The following ERBB4 variants were observed in gnomAD, a reference collection of about 807,000 sequenced individuals.
The protein encoded by ERBB4 is erb-b2 receptor tyrosine kinase 4.
ERBB4 carries 42 observed loss-of-function variants against 158.0 expected under a neutral mutation model. The ratio of observed to expected loss-of-function variants is 0.27; its 90% CI spans 0.21 to 0.34. The LOEUF (loss-of-function observed/expected upper bound fraction) is 0.34. ERBB4 is among the 10% of genes least tolerant of loss of function. The probability of loss-of-function intolerance (pLI) is 1.00; values close to 1 mark genes in which losing one functional copy is unlikely to be tolerated. For missense variants in ERBB4, 1,333 were observed against 1,624.1 expected (o/e 0.82, Z 3.08); for synonymous variants, 583 against 558.7 (o/e 1.04, Z -0.61).
chr2:211,665,104 T>C (rs1482695595), intron 15 of ERBB4, among the ~76,000 whole-genome samples: 2 of 152,216 alleles, frequency 1.3e-5, no homozygotes, highest in East Asian at 1.9e-4. Flanking sequence ...AAGGTGTTAA[T>C]AGAATGGTTA....
chr2:211,914,014 T>C (rs1255867568), intron 3 of ERBB4, among the ~76,000 whole-genome samples: 1 of 146,700 alleles, frequency 6.8e-6, no homozygotes, highest in Non-Finnish European at 1.5e-5. Context: ...GAAATAGAAT[T>C]TGAGAGCTGA....
Position 211,761,540 on chromosome 2 carries a change from G to A in ERBB4, c.557-10836C>T, listed in dbSNP as rs190305559. On this transcript the variant is annotated intron_variant, in intron 4 of 27. Transcript: ENST00000342788. ...TGTGGCACATCAGCCCTTTTTATAC[G>A]TAGCATGTTTCTAGTCAAACATTTT... Among the ~76,000 whole-genome samples the A allele has an allele frequency of 3.6e-4, 54 of 152,104 alleles. 1 individual carries two copies. In the East Asian group the frequency reaches 8.7e-3, roughly 24 times the overall value.
Position 212,167,286 on chromosome 2 carries a change from A to G in ERBB4, c.83-42383T>C, listed in dbSNP as rs372891156. On this transcript the variant is annotated intron_variant, in intron 1 of 27. Coordinates refer to ENST00000342788, the MANE Select transcript of ERBB4 (RefSeq NM_005235.3). ...ATCAAAAAGTGGGCAAAGGATATGAACAGACACTTCTCAAAAGAAGATATT... is the reference window on the plus strand; with the variant it reads ...ATCAAAAAGTGGGCAAAGGATATGAGCAGACACTTCTCAAAAGAAGATATT... 7.9e-5 allele frequency among the ~76,000 whole-genome samples: 12 copies of G among 152,318 alleles called. No individual in the cohort carries two copies. The East Asian group carries it at 1.9e-3, about 25-fold the overall frequency.
chr2:211,388,971 G>T (rs1209848152), intron 25 of ERBB4, among the ~76,000 whole-genome samples: 2 of 152,090 alleles, frequency 1.3e-5, no homozygotes, highest in African/African-American at 4.8e-5. Context: ...TATTCTCTGC[G>T]ATCCAGCTTT....
intron 16 of ERBB4, among the ~76,000 whole-genome samples, chr2:211,647,309 CTT>C (rs1370026752): frequency 6.6e-6 from 1 of 151,640 alleles, no homozygotes; most frequent in Non-Finnish European, 1.5e-5. Flanking sequence ...CTCAAAATAT[CTT>C]TCTCTTGATA....
chr2:211,673,167 T>A lies in ERBB4; in HGVS notation c.1713A>T (p.Gly571=). ...CCACAGATGTCTTCAGGCTTACCGG[T>A]CCATGGCATGTGAGGAGGCCATCTT... ...KMEDGLLTCH[G]PGPDNCTKCS... The change falls in exon 14 of 28, where the codon GGA becomes GGT. Residue 571 remains glycine (G), a synonymous_variant. Coordinates refer to ENST00000342788, the MANE Select transcript of ERBB4 (RefSeq NM_005235.3). The A allele has an allele frequency of 6.2e-7, 1 of 1,608,338 alleles. No homozygotes were observed. The highest frequency in any genetic ancestry group is 8.5e-7 in the Non-Finnish European group (1 of 1,174,804).
intron 1 of ERBB4, among the ~76,000 whole-genome samples, chr2:212,514,438 C>T (rs1691710405): frequency 6.6e-6 from 1 of 152,104 alleles, no homozygotes; most frequent in African/African-American, 2.4e-5. Context: ...CAGCATTATT[C>T]AAATACATTA....
At chr2:212,491,753 T>C (rs886266728) in intron 1 of ERBB4, among the ~76,000 whole-genome samples, 9 of 151,600 alleles carry the variant, frequency 5.9e-5, no homozygotes, top group African/African-American at 1.7e-4. Flanking sequence ...CTACGATTTC[T>C]TCTAATTTAC....
At chr2:211,867,528 C>G (rs888233269) in intron 3 of ERBB4, among the ~76,000 whole-genome samples, 1 of 152,154 alleles carries the variant, frequency 6.6e-6, no homozygotes, top group Non-Finnish European at 1.5e-5. Flanking sequence ...AATGGTAACA[C>G]TTTACACATA....
intron 1 of ERBB4, among the ~76,000 whole-genome samples, chr2:212,244,843 G>T (rs2084252749): frequency 6.6e-6 from 1 of 151,982 alleles, no homozygotes; most frequent in African/African-American, 2.4e-5. Flanking sequence ...TAATTAATAT[G>T]TTCTAGCTGA....
chr2:212,476,469 C>A (rs1337692738), intron 1 of ERBB4, among the ~76,000 whole-genome samples: 1 of 151,972 alleles, frequency 6.6e-6, no homozygotes, highest in African/African-American at 2.4e-5. Flanking sequence ...TTCTCTCTAC[C>A]CTCTTCAATA....
chr2:212,210,141 G>A (rs574477352), intron 1 of ERBB4, among the ~76,000 whole-genome samples: 1 of 150,426 alleles, frequency 6.6e-6, no homozygotes, highest in South Asian at 2.1e-4. Flanking sequence ...TATGCATAAA[G>A]TGATGAGAGA....
chr2:211,967,146 T>C (rs1218345026), intron 2 of ERBB4, among the ~76,000 whole-genome samples: 1 of 152,104 alleles, frequency 6.6e-6, no homozygotes, highest in Non-Finnish European at 1.5e-5. Context: ...TTGCTCAAAA[T>C]CTTACCTTTG....
At chr2:212,391,725 A>T (rs199602390) in intron 1 of ERBB4, among the ~76,000 whole-genome samples, 1 of 139,874 alleles carries the variant, frequency 7.1e-6, no homozygotes, top group African/African-American at 2.8e-5. Flanking sequence ...CATATATATT[A>T]TATATATGAC....
intron 2 of ERBB4, among the ~76,000 whole-genome samples, chr2:212,050,451 C>T (rs528959244): frequency 9.2e-5 from 14 of 152,172 alleles, no homozygotes; most frequent in Non-Finnish European, 1.8e-4. Context: ...TGTTAGCACC[C>T]TGCCACATGG....
At chr2:212,439,643 T>A (rs2092211661) in intron 1 of ERBB4, among the ~76,000 whole-genome samples, 1 of 152,186 alleles carries the variant, frequency 6.6e-6, no homozygotes, top group Non-Finnish European at 1.5e-5. Context: ...CATGTATTAT[T>A]ATGAAGAAAA....
At chr2:212,081,034 C>G (rs2078427903) in intron 2 of ERBB4, among the ~76,000 whole-genome samples, 1 of 152,124 alleles carries the variant, frequency 6.6e-6, no homozygotes, top group Non-Finnish European at 1.5e-5. Flanking sequence ...TATGTCTATG[C>G]TCACTTTATT....
chr2:212,059,367 C>A (rs1301919383), intron 2 of ERBB4, among the ~76,000 whole-genome samples: 1 of 152,090 alleles, frequency 6.6e-6, no homozygotes. Context: ...CCATATTGCC[C>A]AAGGTAATTT....
intron 17 of ERBB4, among the ~76,000 whole-genome samples, chr2:211,624,940 G>A (rs535510121): frequency 3.3e-5 from 5 of 151,930 alleles, no homozygotes; most frequent in African/African-American, 7.3e-5. Context: ...TCACAGGGGG[G>A]GCTGGGTGTG....
Sources: gnomAD v4.1 joint callset for allele counts (sites outside exome capture counted in the v4.1 genomes callset) on GRCh38, gnomAD v4.1.1 for gene constraint, MANE v1.5 for transcripts, NCBI Gene and HGNC (gene_info 2026-07-23, HGNC 2026-07-21) for gene names.